Variants in TMEM51 observed in about 807,000 individuals in gnomAD.
TMEM51 encodes chromosome 1 open reading frame 72.
In TMEM51, 8 loss-of-function variants were observed where a neutral mutation model predicts 13.6. The ratio of observed to expected loss-of-function variants is 0.59; its 90% CI spans 0.35 to 1.07. The LOEUF (loss-of-function observed/expected upper bound fraction) is 1.07. TMEM51 is among the 50% of genes least tolerant of loss of function. TMEM51 has a pLI of 0.02. For missense variants in TMEM51, 279 were observed against 330.7 expected (o/e 0.84, Z 1.21); for synonymous variants, 147 against 144.4 (o/e 1.02, Z -0.13).
At chr1:15,215,793 G>A (rs929640739) in intron 3 of TMEM51, among the ~76,000 whole-genome samples, 9 of 152,198 alleles carry the variant, frequency 5.9e-5, no homozygotes, top group East Asian at 3.8e-4. Flanking sequence ...TTGGGAGGCC[G>A]AGGCAGGTGG....
At chr1:15,153,028 C>T (rs939375902), upstream of TMEM51, among the ~76,000 whole-genome samples, 1 of 152,256 alleles carries the variant, frequency 6.6e-6, no homozygotes, top group Non-Finnish European at 1.5e-5. Context: ...CCGGAATGGG[C>T]CCCACCTGGG....
At chr1:15,203,323 G>A (rs181200264) in intron 1 of TMEM51, among the ~76,000 whole-genome samples, 269 of 152,114 alleles carry the variant, frequency 1.8e-3, no homozygotes, top group Non-Finnish European at 3.3e-3. Flanking sequence ...GCGTGATCTC[G>A]GCTCACTTGC....
At chr1:15,174,440 C>T (rs1459962426) in intron 1 of TMEM51, among the ~76,000 whole-genome samples, 1 of 152,102 alleles carries the variant, frequency 6.6e-6, no homozygotes, top group Non-Finnish European at 1.5e-5. Context: ...CCGGGTCTTG[C>T]TGTGTTGCCC....
At chr1:15,214,567 A>G (rs1644392831) in intron 2 of TMEM51, among the ~76,000 whole-genome samples, 1 of 152,228 alleles carries the variant, frequency 6.6e-6, no homozygotes, top group Non-Finnish European at 1.5e-5. Context: ...AGCAGCCTCC[A>G]GCAAGAGCTA....
At chr1:15,166,314 G>C (rs957014682) in intron 1 of TMEM51, among the ~76,000 whole-genome samples, 4 of 152,138 alleles carry the variant, frequency 2.6e-5, no homozygotes, top group African/African-American at 9.7e-5. Flanking sequence ...ACTCCTGGTG[G>C]TTGGTTTACC....
intron 1 of TMEM51, among the ~76,000 whole-genome samples, chr1:15,164,851 A>G (rs1642933993): frequency 1.5e-5 from 2 of 137,598 alleles, no homozygotes; most frequent in South Asian, 4.6e-4. Flanking sequence ...TCGCCAGGCC[A>G]GAGTGCAGTG....
intron 1 of TMEM51, chr1:15,191,699 C>T (rs902256383): frequency 3.2e-6 from 1 of 310,720 alleles, no homozygotes; most frequent in Non-Finnish European, 6.3e-6. Context: ...TCACTCATCC[C>T]AAATGCAAAT....
intron 1 of TMEM51, among the ~76,000 whole-genome samples, chr1:15,157,243 G>A (rs536100085): frequency 6.6e-6 from 1 of 152,278 alleles, no homozygotes; most frequent in Admixed American, 6.5e-5. Flanking sequence ...ACTGCTGGTT[G>A]GTCCTCACCT....
chr1:15,205,156 G>C (rs1644227052), intron 1 of TMEM51, among the ~76,000 whole-genome samples: 1 of 152,218 alleles, frequency 6.6e-6, no homozygotes, highest in East Asian at 1.9e-4. Context: ...AGTGCCTCAA[G>C]AAAAGATGTA....
intron 1 of TMEM51, among the ~76,000 whole-genome samples, chr1:15,160,179 C>G (rs1642727661): frequency 6.6e-6 from 1 of 152,168 alleles, no homozygotes; most frequent in Admixed American, 6.5e-5. Context: ...CTTACCTTAT[C>G]CTACCTTTTC....
intron 1 of TMEM51, among the ~76,000 whole-genome samples, chr1:15,187,984 G>A (rs1643836689): frequency 6.6e-6 from 1 of 152,178 alleles, no homozygotes; most frequent in Admixed American, 6.5e-5. Flanking sequence ...CGCGCTGTTG[G>A]CACCAAGCTG....
chr1:15,169,815 A>G (rs1449006455), intron 1 of TMEM51, among the ~76,000 whole-genome samples: 5 of 152,192 alleles, frequency 3.3e-5, no homozygotes, highest in Admixed American at 3.3e-4. Flanking sequence ...TCCATTTTTT[A>G]TTTCAAAATT....
intron 2 of TMEM51, among the ~76,000 whole-genome samples, chr1:15,211,095 A>G (rs901289134): frequency 6.6e-6 from 1 of 152,256 alleles, no homozygotes; most frequent in African/African-American, 2.4e-5. Context: ...AGAAAAAGAA[A>G]ATGAAAATCA....
chr1:15,197,451 G>A (rs1644071432), intron 1 of TMEM51, among the ~76,000 whole-genome samples: 1 of 152,100 alleles, frequency 6.6e-6, no homozygotes, highest in Admixed American at 6.5e-5. Context: ...TGTGACCTTT[G>A]GACCCTGCGT....
At chr1:15,211,835 C>T (rs867621508) in intron 2 of TMEM51, among the ~76,000 whole-genome samples, 7 of 122,728 alleles carry the variant, frequency 5.7e-5, no homozygotes, top group South Asian at 3.1e-4. Context: ...CCCCCCCCCC[C>T]CCGGGATTTT....
chr1:15,189,453 C>G (rs963493122), intron 1 of TMEM51, among the ~76,000 whole-genome samples: 4 of 152,130 alleles, frequency 2.6e-5, no homozygotes. Context: ...ACCTCTCTGG[C>G]TGCCTCCATT....
upstream of TMEM51, among the ~76,000 whole-genome samples, chr1:15,152,976 C>G (rs570192315): frequency 6.6e-6 from 1 of 152,206 alleles, no homozygotes; most frequent in South Asian, 2.1e-4. Flanking sequence ...AGGGCAGGCT[C>G]CCGGTGCAGC....
At chr1:15,174,536 C>T (rs1189863744) in intron 1 of TMEM51, among the ~76,000 whole-genome samples, 1 of 152,204 alleles carries the variant, frequency 6.6e-6, no homozygotes, top group Non-Finnish European at 1.5e-5. Context: ...AGTCACCACA[C>T]CCAACCCCCT....
At position 15,219,591 on chromosome 1, in the gene TMEM51, C is replaced by A. The variant is rs996822856; in HGVS notation, c.610C>A (p.Arg204=). The A allele has an allele frequency of 3.7e-6, 6 of 1,613,944 alleles. No individual in the cohort carries two copies. In the East Asian group the frequency reaches 1.1e-4, roughly 30 times the overall value. ...LAKRLKPLKV[R]RIKSEKLHLK... ...CAAACGACTGAAACCGCTGAAAGTT[C>A]GAAGGATTAAATCTGAAAAGCTTCA... The change falls in exon 4 of 4, where the codon CGA becomes AGA. Residue 204 remains arginine (R), a synonymous_variant. Coordinates refer to ENST00000376008, the MANE Select transcript of TMEM51 (RefSeq NM_001136218.2).
Sources: gnomAD v4.1 joint callset for allele counts (sites outside exome capture counted in the v4.1 genomes callset) on GRCh38, gnomAD v4.1.1 for gene constraint, MANE v1.5 for transcripts, NCBI Gene and HGNC (gene_info 2026-07-23, HGNC 2026-07-21) for gene names.